Variants in SV2C observed in about 807,000 individuals in gnomAD.
SV2C encodes the protein solute carrier family 22 member B3.
In SV2C, 49 loss-of-function variants were observed where a neutral mutation model predicts 79.7. That is an observed-to-expected ratio of 0.61 (90% CI 0.49 to 0.78). The LOEUF is 0.78. SV2C is among the 30% of genes least tolerant of loss of function. The pLI is 0.00. For synonymous variants in SV2C, 334 were observed against 333.2 expected (o/e 1.00, Z -0.03); for missense variants, 833 against 912.9 (o/e 0.91, Z 1.13).
At chr5:76,011,487 C>T in the SV2C span, among the ~76,000 whole-genome samples, 1 of 152,144 alleles carries the variant, frequency 6.6e-6, no homozygotes, top group Admixed American at 6.5e-5. Flanking sequence ...ATGCCTAACA[C>T]ATTGCTTCTT....
At chr5:76,281,429 TTTTA>T (rs989514620) in intron 4 of SV2C, among the ~76,000 whole-genome samples, 1 of 151,378 alleles carries the variant, frequency 6.6e-6, no homozygotes, top group Non-Finnish European at 1.5e-5. Context: ...GAGCCTGAAG[TTTTA>T]TAGAGAATGC....
the SV2C span, among the ~76,000 whole-genome samples, chr5:75,923,156 A>G: frequency 2.0e-5 from 3 of 152,328 alleles, no homozygotes; most frequent in East Asian, 1.9e-4. Flanking sequence ...ATACAATAAC[A>G]TAAAGTGGAG....
chr5:76,056,279 T>C, the SV2C span, among the ~76,000 whole-genome samples: 2 of 152,230 alleles, frequency 1.3e-5, no homozygotes, highest in African/African-American at 4.8e-5. Flanking sequence ...GTTCTGTTTA[T>C]GTGATGGAGT....
At chr5:75,848,152 T>A in the SV2C span, among the ~76,000 whole-genome samples, 1 of 152,110 alleles carries the variant, frequency 6.6e-6, no homozygotes, top group Non-Finnish European at 1.5e-5. Context: ...TGTGAGAAGG[T>A]CTTCACTGAA....
chr5:75,981,004 C>T, the SV2C span, among the ~76,000 whole-genome samples: 11 of 152,210 alleles, frequency 7.2e-5, no homozygotes, highest in Non-Finnish European at 2.9e-5. Flanking sequence ...TGATAAACAA[C>T]TTCAGCAAAG....
chr5:76,092,031 TG>T (rs1199316726), intron 1 of SV2C, among the ~76,000 whole-genome samples: 6 of 152,160 alleles, frequency 3.9e-5, no homozygotes, highest in African/African-American at 1.2e-4. Context: ...ATTTTGAAGA[TG>T]TTGTTAGTTA....
the SV2C span, among the ~76,000 whole-genome samples, chr5:75,977,636 G>A: frequency 3.9e-5 from 6 of 152,146 alleles, no homozygotes; most frequent in East Asian, 3.9e-4. Context: ...CACCCATAGC[G>A]GGCTGAAAGG....
the SV2C span, among the ~76,000 whole-genome samples, chr5:75,893,132 T>C: frequency 6.6e-6 from 1 of 152,130 alleles, no homozygotes; most frequent in African/African-American, 2.4e-5. Flanking sequence ...TGGTGTAAGA[T>C]GGTATCTCAT....
chr5:76,075,777 A>G, the SV2C span: 1 of 287,384 alleles, frequency 3.5e-6, no homozygotes, highest in Admixed American at 4.5e-5. Flanking sequence ...CTATCAAGTA[A>G]AGGAAACTGG....
At chr5:76,173,760 C>T in intron 2 of SV2C, 1 of 1,610,810 alleles carries the variant, frequency 6.2e-7, no homozygotes, top group Non-Finnish European at 8.5e-7. Context: ...TCTAAGAATG[C>T]ACAGTTGTTC....
chr5:76,099,365 C>CGTGTGTGTGTGTGT (rs10582798), intron 1 of SV2C, among the ~76,000 whole-genome samples: 1 of 148,506 alleles, frequency 6.7e-6, no homozygotes, highest in Non-Finnish European at 1.5e-5. Context: ...TTCTTTTGCT[C>CGTGTGTGTGTGTGT]GTGTGTGTGT....
chr5:76,176,983 C>T (rs757315350), intron 2 of SV2C, among the ~76,000 whole-genome samples: 4 of 151,600 alleles, frequency 2.6e-5, no homozygotes, highest in South Asian at 2.1e-4. Flanking sequence ...AGCACGGTGG[C>T]GGGCGTCTGT....
chr5:75,950,557 G>A, the SV2C span, among the ~76,000 whole-genome samples: 1 of 151,792 alleles, frequency 6.6e-6, no homozygotes, highest in African/African-American at 2.4e-5. Context: ...TACTACAATT[G>A]GTCAAAATAT....
intron 3 of SV2C, among the ~76,000 whole-genome samples, chr5:76,197,737 T>TAGATAGATAGATAGATAGATA (rs1554039526): frequency 3.3e-4 from 1 of 2,992 alleles, no homozygotes; most frequent in South Asian, 0.011. Flanking sequence ...TAGATAGATA[T>TAGATAGATAGATAGATAGATA]GAGACAGGAC....
At chr5:76,113,844 C>G (rs1261358150) in intron 1 of SV2C, among the ~76,000 whole-genome samples, 1 of 152,088 alleles carries the variant, frequency 6.6e-6, no homozygotes, top group Non-Finnish European at 1.5e-5. Context: ...GGAAAGAATG[C>G]CCATTCTCAG....
At chr5:76,267,037 G>T (rs1746682940) in intron 4 of SV2C, among the ~76,000 whole-genome samples, 2 of 152,178 alleles carry the variant, frequency 1.3e-5, no homozygotes, top group East Asian at 3.9e-4. Context: ...GCATAAATAT[G>T]TGGCAAAAGA....
chr5:75,920,844 T>A, the SV2C span: 27 of 762,336 alleles, frequency 3.5e-5, no homozygotes, highest in African/African-American at 3.6e-4. Flanking sequence ...GGTCAGCTTG[T>A]CCACAGGGTG....
the SV2C span, among the ~76,000 whole-genome samples, chr5:75,939,708 G>C: frequency 2.0e-5 from 3 of 152,120 alleles, no homozygotes; most frequent in Non-Finnish European, 2.9e-5. Flanking sequence ...TTAGAACCCA[G>C]AAGCATCACA....
At chr5:76,029,874 G>T in the SV2C span, among the ~76,000 whole-genome samples, 1 of 152,182 alleles carries the variant, frequency 6.6e-6, no homozygotes, top group Admixed American at 6.5e-5. Flanking sequence ...CTTTTAGTAA[G>T]AGCTCTGGGT....
Sources: gnomAD v4.1 joint callset for allele counts (sites outside exome capture counted in the v4.1 genomes callset) on GRCh38, gnomAD v4.1.1 for gene constraint, MANE v1.5 for transcripts, NCBI Gene and HGNC (gene_info 2026-07-23, HGNC 2026-07-21) for gene names.